NFIA: variants seen among roughly 807,000 people sequenced by gnomAD.
NFIA encodes nuclear factor 1 A-type.
In NFIA, 8 loss-of-function variants were observed where a neutral mutation model predicts 62.8. The ratio of observed to expected loss-of-function variants is 0.13; its 90% CI spans 0.07 to 0.23. The LOEUF is 0.23. Ranked by LOEUF, NFIA falls within the 10% of genes least tolerant of loss-of-function variation. The probability of loss-of-function intolerance (pLI) is 1.00; values close to 1 mark genes in which losing one functional copy is unlikely to be tolerated. For synonymous variants in NFIA, 235 were observed against 238.1 expected (o/e 0.99, Z 0.12); for missense variants, 410 against 642.1 (o/e 0.64, Z 3.91).
intron 2 of NFIA, among the ~76,000 whole-genome samples, chr1:61,159,583 T>TGCATCTCA (rs1405381146): frequency 5.3e-5 from 8 of 152,162 alleles, no homozygotes; most frequent in African/African-American, 1.9e-4. Context: ...TTAACAACTC[T>TGCATCTCA]GCATCTCAGT....
intron 3 of NFIA, among the ~76,000 whole-genome samples, chr1:61,317,028 T>A (rs763863349): frequency 6.6e-6 from 1 of 152,156 alleles, no homozygotes; most frequent in Non-Finnish European, 1.5e-5. Flanking sequence ...TCTAAAAAAA[T>A]TTAAATAACT....
chr1:61,402,779 T>C (rs1204525102), intron 7 of NFIA, among the ~76,000 whole-genome samples: 1 of 152,212 alleles, frequency 6.6e-6, no homozygotes. Flanking sequence ...AGACATGGAT[T>C]GGAAAGTTGC....
intron 9 of NFIA, among the ~76,000 whole-genome samples, chr1:61,410,412 GTTTATC>G (rs1666044305): frequency 6.6e-6 from 1 of 152,168 alleles, no homozygotes. Context: ...AGTGGATTCT[GTTTATC>G]TTGTCAGCTT....
chr1:61,099,533 T>C (rs925813576), intron 2 of NFIA, among the ~76,000 whole-genome samples: 50 of 152,250 alleles, frequency 3.3e-4, no homozygotes, highest in African/African-American at 1.1e-3. Context: ...AAATTGTGGA[T>C]GTGAGTTTCT....
chr1:61,363,003 A>C (rs1663381472), intron 6 of NFIA, among the ~76,000 whole-genome samples: 2 of 152,230 alleles, frequency 1.3e-5, no homozygotes, highest in South Asian at 4.1e-4. Flanking sequence ...TGTTGCTTTC[A>C]AATATATGGA....
At chr1:61,407,473 T>G (rs1665898884) in intron 9 of NFIA, among the ~76,000 whole-genome samples, 1 of 152,230 alleles carries the variant, frequency 6.6e-6, no homozygotes, top group Admixed American at 6.5e-5. Flanking sequence ...TCCCTGATGT[T>G]TTAGATATGG....
chr1:61,286,047 G>A lies in NFIA; in HGVS notation c.625+8462G>A, dbSNP rs368830776. The stretch of plus-strand genomic sequence containing the variant: ...TGCCATTAAAAGCCTGACACTGAGC[G>A]TCTGTTAAGGGAAAATCAGTTGTCC... On this transcript the variant is annotated intron_variant, in intron 3 of 10. Transcript: ENST00000403491. 1.9e-4 allele frequency among the ~76,000 whole-genome samples: 29 copies of A among 152,222 alleles called. 1 individual carries two copies. In the East Asian group the frequency reaches 3.1e-3, roughly 16 times the overall value.
chr1:61,354,329 A>C (rs1280271752), intron 5 of NFIA, among the ~76,000 whole-genome samples: 1 of 152,246 alleles, frequency 6.6e-6, no homozygotes, highest in East Asian at 1.9e-4. Context: ...TAGATTCAGC[A>C]GAATTAACGA....
intron 6 of NFIA, among the ~76,000 whole-genome samples, chr1:61,370,906 AC>A (rs1663849100): frequency 6.6e-6 from 1 of 152,098 alleles, no homozygotes. Context: ...AAGTGCACTC[AC>A]GTCATTAGAA....
chr1:61,095,374 C>T lies in NFIA; in HGVS notation c.559+6694C>T, dbSNP rs192257310. Among the ~76,000 whole-genome samples the T allele has an allele frequency of 2.2e-3, 330 of 152,340 alleles. 6 individuals carry two copies. The South Asian group carries it at 0.024, about 11-fold the overall frequency. On this transcript the variant is annotated intron_variant, in intron 2 of 10. Transcript: ENST00000403491. The stretch of plus-strand genomic sequence containing the variant: ...CTATTTGAACGGATGAGGATAGACT[C>T]TTCAGAGTGGCCAGGTTACATGTCC...
At position 61,082,685 on chromosome 1, in the gene NFIA, TCTCTCTCTCTCTTC is replaced by T; in HGVS notation, c.-99_-86del. 1 of 1,537,974 alleles carries T rather than the reference TCTCTCTCTCTCTTC, an allele frequency of 6.5e-7. No homozygotes were observed. Among genetic ancestry groups the T allele is most frequent in the Non-Finnish European group, 8.8e-7 (1 of 1,139,180 alleles). Reference sequence around the variant, plus strand: ...TTTTCTCCCCCCTTCTCTCTCTCTCTCTCTCTCTCTCTTCCTCTCTCCCTCTTTCTCCTCTCTCA... The same window carrying T: ...TTTTCTCCCCCCTTCTCTCTCTCTCTCTCTCTCCCTCTTTCTCCTCTCTCA... On this transcript the variant is annotated 5_prime_UTR_variant, in exon 1 of 11. Transcript: ENST00000403491.
chr1:61,416,364 A>G (rs375964943), intron 9 of NFIA, among the ~76,000 whole-genome samples: 34 of 152,272 alleles, frequency 2.2e-4, no homozygotes, highest in African/African-American at 7.2e-4. Context: ...AATCCTTGGC[A>G]ATTTTTATAC....
chr1:61,169,938 T>G (rs1649837744), intron 2 of NFIA, among the ~76,000 whole-genome samples: 1 of 152,216 alleles, frequency 6.6e-6, no homozygotes, highest in African/African-American at 2.4e-5. Flanking sequence ...TAAATAAAAG[T>G]AATGTTATTT....
At chr1:61,396,568 A>G (rs1393600848) in intron 7 of NFIA, among the ~76,000 whole-genome samples, 2 of 152,108 alleles carry the variant, frequency 1.3e-5, no homozygotes, top group African/African-American at 2.4e-5. Flanking sequence ...CTAGTAGTCA[A>G]TATGTATTAG....
chr1:61,172,343 C>G (rs1650026758), intron 2 of NFIA, among the ~76,000 whole-genome samples: 1 of 152,058 alleles, frequency 6.6e-6, no homozygotes, highest in Admixed American at 6.5e-5. Context: ...TGACGAATGA[C>G]ATGAAGGTTG....
At chr1:61,389,081 G>C (rs1239895550) in intron 7 of NFIA, among the ~76,000 whole-genome samples, 2 of 152,098 alleles carry the variant, frequency 1.3e-5, no homozygotes, top group Non-Finnish European at 2.9e-5. Context: ...ACTCCAGCCT[G>C]AGCAACAGAG....
intron 2 of NFIA, among the ~76,000 whole-genome samples, chr1:61,146,969 A>G (rs1338018999): frequency 2.0e-5 from 3 of 152,132 alleles, no homozygotes; most frequent in Non-Finnish European, 2.9e-5. Context: ...GTTGTATATT[A>G]CATTGTTAGG....
At chr1:61,339,068 A>G (rs1468674835) in intron 4 of NFIA, among the ~76,000 whole-genome samples, 1 of 152,214 alleles carries the variant, frequency 6.6e-6, no homozygotes, top group African/African-American at 2.4e-5. Context: ...CCATTACACA[A>G]TTCAATGGCA....
chr1:61,449,336 A>C (rs1205456551), intron 10 of NFIA, among the ~76,000 whole-genome samples: 2 of 152,222 alleles, frequency 1.3e-5, no homozygotes, highest in Admixed American at 6.5e-5. Context: ...CCTCGGATAC[A>C]GCTTGTTCTT....
Sources: gnomAD v4.1 joint callset for allele counts (sites outside exome capture counted in the v4.1 genomes callset) on GRCh38, gnomAD v4.1.1 for gene constraint, MANE v1.5 for transcripts, NCBI Gene and HGNC (gene_info 2026-07-23, HGNC 2026-07-21) for gene names.